Variants in HTN1 observed in about 807,000 individuals in gnomAD.
HTN1 encodes the protein histatin 1.
Under a neutral mutation model 11.2 loss-of-function variants are expected in HTN1, and 18 were observed. The observed-to-expected ratio is 1.61, with a 90% CI of 1.12 to 2.39. The LOEUF (loss-of-function observed/expected upper bound fraction) is 2.39, where lower values mean the gene tolerates loss of function less well. HTN1 is among the 30% of genes most tolerant of loss of function. HTN1 has a pLI of 0.00. For missense variants in HTN1, 80 were observed against 67.2 expected (o/e 1.19, Z -0.67); for synonymous variants, 21 against 20.5 (o/e 1.02, Z -0.07).
Position 70,053,104 on chromosome 4 carries a change from T to C in HTN1, c.28T>C (p.Leu10=). The C allele has an allele frequency of 6.2e-7, 1 of 1,609,686 alleles. No individual in the cohort carries two copies. Among genetic ancestry groups the C allele is most frequent in the African/African-American group, 1.3e-5 (1 of 74,912 alleles). The change falls in exon 2 of 6, where the codon TTG becomes CTG. Residue 10 remains leucine, a synonymous_variant. Transcript: ENST00000246896. ...GAAGTTTTTTGTCTTTGCTTTAGTC[T>C]TGGCTCTCATGATTTCCATGATTGT... is the stretch of plus-strand genomic sequence containing the variant. MKFFVFALV[L]ALMISMISAD...
At chr4:70,052,793 T>TA (rs35058239) in intron 1 of HTN1, 43,909 of 217,198 alleles carry the variant, frequency 0.2, 3,613 homozygotes, top group South Asian at 0.26. Context: ...CATTCTCTAC[T>TA]AAAAAAAAAA....
intron 1 of HTN1, 157 bp from the exon 2 acceptor site, chr4:70,052,905 TGG>T (rs1379632180): frequency 3.7e-6 from 2 of 547,684 alleles, no homozygotes; most frequent in Non-Finnish European, 6.7e-6. Context: ...TGAGACCAGA[TGG>T]TCCAGGCTGC....
chr4:70,053,734 C>T (rs1245107687), intron 2 of HTN1, among the ~76,000 whole-genome samples: 15 of 152,058 alleles, frequency 9.9e-5, no homozygotes, highest in South Asian at 2.1e-4. Context: ...CTTCCACCGC[C>T]TCTTCCTCCT....
chr4:70,051,611 T>C (rs1725896045), intron 1 of HTN1, among the ~76,000 whole-genome samples: 1 of 152,094 alleles, frequency 6.6e-6, no homozygotes, highest in South Asian at 2.1e-4. Context: ...AAAAGAGTTG[T>C]AGTAGGATTT....
At chr4:70,058,058 A>T (rs1489819300) in intron 5 of HTN1, 1 of 152,198 alleles carries the variant, frequency 6.6e-6, no homozygotes, top group Admixed American at 6.6e-5. Context: ...TAAAGATTAC[A>T]TTTCAAAATA....
Position 70,054,307 on chromosome 4 carries a change from T to A in HTN1, c.52-15T>A, listed in dbSNP as rs199832806. Reference sequence around the variant, plus strand: ...TTAAAATATTAATTATTTTCTCATTTTCTTTTTTTCCAAGAGCGCTGATTC... The same window carrying A: ...TTAAAATATTAATTATTTTCTCATTATCTTTTTTTCCAAGAGCGCTGATTC... On this transcript the variant is annotated splice_polypyrimidine_tract_variant and intron_variant, in intron 2 of 5. Transcript: ENST00000246896. 1.4e-6 allele frequency: 2 copies of A among 1,428,226 alleles called. No individual in the cohort carries two copies. The highest frequency in any genetic ancestry group is 4.3e-5 in the Admixed American group (2 of 46,380). The allele number at this position is 1,428,226 out of a possible 1,614,324, so 88.5% of individuals were successfully genotyped here.
chr4:70,051,179 T>A (rs1242508571), intron 1 of HTN1, among the ~76,000 whole-genome samples: 1 of 152,028 alleles, frequency 6.6e-6, no homozygotes, highest in African/African-American at 2.4e-5. Context: ...ATAAATTCTC[T>A]CTTGGTAAAT....
intron 5 of HTN1, 44 bp downstream of exon 5, chr4:70,055,646 T>C (rs1274603993): frequency 2.2e-6 from 2 of 890,646 alleles, no homozygotes; most frequent in African/African-American, 1.7e-5. Flanking sequence ...GTGTCAACAC[T>C]GACAGTTTAA....
At chr4:70,054,096 A>G (rs574888601) in intron 2 of HTN1, among the ~76,000 whole-genome samples, 99 of 152,212 alleles carry the variant, frequency 6.5e-4, no homozygotes, top group African/African-American at 2.3e-3. Context: ...AAAAAGATAT[A>G]TAAACCAAAA....
intron 5 of HTN1, chr4:70,057,557 T>C (rs1726074490): frequency 6.6e-6 from 1 of 152,160 alleles, no homozygotes; most frequent in Admixed American, 6.6e-5. Context: ...AAAGCTTCTG[T>C]TCACCAGTGT....
chr4:70,055,185 A>T (rs1726004953), intron 4 of HTN1, among the ~76,000 whole-genome samples: 1 of 152,030 alleles, frequency 6.6e-6, no homozygotes, highest in African/African-American at 2.4e-5. Flanking sequence ...TAGTGAGCAA[A>T]ATAGTAGCTT....
chr4:70,051,863 A>G (rs1039932358), intron 1 of HTN1, among the ~76,000 whole-genome samples: 7 of 152,268 alleles, frequency 4.6e-5, no homozygotes, highest in African/African-American at 1.7e-4. Flanking sequence ...AAGAGAGATT[A>G]GAAAAAAATT....
chr4:70,052,491 T>C (rs1311290139), intron 1 of HTN1, among the ~76,000 whole-genome samples: 1 of 152,172 alleles, frequency 6.6e-6, no homozygotes, highest in Non-Finnish European at 1.5e-5. Flanking sequence ...CTGTTTTATT[T>C]CTTTATAGGC....
chr4:70,057,914 G>A (rs1726083283), intron 5 of HTN1: 1 of 152,100 alleles, frequency 6.6e-6, no homozygotes, highest in African/African-American at 2.4e-5. Context: ...ATTGCTATAG[G>A]AATGACTAAT....
intron 5 of HTN1, chr4:70,057,389 G>C (rs1726070812): frequency 6.6e-6 from 1 of 151,410 alleles, no homozygotes; most frequent in African/African-American, 2.5e-5. Flanking sequence ...GGAGGGGAGG[G>C]AGTAAGGGAA....
In HTN1 at chr4:70,055,542, T is replaced by C. The variant is rs767012944; in HGVS notation, c.147T>C (p.Tyr49=). The change falls in exon 5 of 6, where the codon TAT becomes TAC. Residue 49 remains tyrosine, a synonymous_variant. Coordinates refer to ENST00000246896, the MANE Select transcript of HTN1 (RefSeq NM_002159.4). ...SHREFPFYGD[Y]GSNYLYDN is the part of the protein sequence containing the mutation. ...GAGAATTTCCATTTTATGGGGACTA[T>C]GGATCAAATTATCTATATGACAATT... The C allele has an allele frequency of 5.6e-6, 9 of 1,593,204 alleles. No individual in the cohort carries two copies. Among genetic ancestry groups the C allele is most frequent in the South Asian group, 5.5e-5 (5 of 90,630 alleles).
chr4:70,054,594 C>G (rs535788360), intron 4 of HTN1, 144 bp downstream of exon 4: 1 of 598,136 alleles, frequency 1.7e-6, no homozygotes, highest in South Asian at 2.4e-5. Flanking sequence ...ATTTATGATG[C>G]AAAGGCAAAA....
At chr4:70,057,906 TG>T (rs1361688840) in intron 5 of HTN1, 2 of 152,140 alleles carry the variant, frequency 1.3e-5, no homozygotes, top group Admixed American at 1.3e-4. Flanking sequence ...AATGAGCAAT[TG>T]CTATAGGAAT....
intron 1 of HTN1, among the ~76,000 whole-genome samples, chr4:70,051,706 C>A (rs1412271755): frequency 6.6e-6 from 1 of 151,858 alleles, no homozygotes; most frequent in Non-Finnish European, 1.5e-5. Flanking sequence ...TTGAGTGAAG[C>A]AAAATAAACG....
Sources: allele counts gnomAD v4.1 joint callset (sites outside exome capture counted in the v4.1 genomes callset), GRCh38; gene constraint gnomAD v4.1.1; transcripts MANE v1.5; gene names NCBI Gene and HGNC (gene_info 2026-07-23, HGNC 2026-07-21).